Variants in DDX52 observed in about 807,000 individuals in gnomAD.
DDX52 encodes the protein DExD-box helicase 52, also known as probable ATP-dependent RNA helicase DDX52.
In DDX52, 59 loss-of-function variants were observed where a neutral mutation model predicts 76.1. The ratio of observed to expected loss-of-function variants is 0.78; its 90% confidence interval spans 0.63 to 0.96. The LOEUF is 0.96. DDX52 is among the 40% of genes least tolerant of loss of function. The pLI is 0.00. For missense variants in DDX52, 707 were observed against 703.9 expected, an observed-to-expected ratio of 1.00 and a Z score of -0.05; for synonymous variants, 231 against 244.1, an observed-to-expected ratio of 0.95 and a Z score of 0.50.
chr17:37,626,952 G>A (rs1431564564), intron 6 of DDX52, 92 bp from the exon 7 acceptor site: 8 of 968,858 alleles, frequency 8.3e-6, no homozygotes, highest in South Asian at 7.3e-5. Flanking sequence ...TTAATAACCT[G>A]AAGTGGGAAG....
In DDX52 at chr17:37,613,764, G is replaced by C. The variant is rs2064393795; in HGVS notation, c.*532C>G. On this transcript the variant is annotated 3_prime_UTR_variant, in exon 15 of 15. Coordinates refer to ENST00000617633, the MANE Select transcript of DDX52 (RefSeq NM_007010.5). ...AGTGGAAGGGGTATTTAATGTCAAG[G>C]CTTTATTTTGAATTTCTGTTCCAGA... is the stretch of plus-strand genomic sequence containing the variant. 1 of 152,570 alleles carries C rather than the reference G, an allele frequency of 6.6e-6. No homozygotes were observed. The highest frequency in any genetic ancestry group is 1.5e-5 in the Non-Finnish European group (1 of 68,058). The allele number at this position is 152,570 out of a possible 1,614,324, so 9.5% of individuals were successfully genotyped here.
chr17:37,631,465 G>A (rs1212084506), intron 4 of DDX52: 1 of 152,472 alleles, frequency 6.6e-6, no homozygotes, highest in African/African-American at 2.4e-5. Flanking sequence ...CTCTGAGCAG[G>A]GGCAGGGTGA....
chr17:37,623,866 T>C (rs1404196338), intron 9 of DDX52, among the ~76,000 whole-genome samples: 1 of 152,208 alleles, frequency 6.6e-6, no homozygotes, highest in Non-Finnish European at 1.5e-5. Flanking sequence ...TCTTGTATTG[T>C]CCAGTGCTGA....
At chr17:37,635,083 G>A (rs1293469693) in intron 2 of DDX52, among the ~76,000 whole-genome samples, 1 of 152,076 alleles carries the variant, frequency 6.6e-6, no homozygotes, top group East Asian at 1.9e-4. Context: ...ACAGGTGTGA[G>A]CCACCGCGCC....
In DDX52 at chr17:37,615,253, G is replaced by A. The variant is rs148629484; in HGVS notation, c.1743-900C>T. Among the ~76,000 whole-genome samples the A allele has an allele frequency of 6.3e-3, 958 of 152,324 alleles. 9 individuals carry two copies. The highest frequency in any genetic ancestry group is 0.037 in the Middle Eastern group (11 of 294). ...GGATCATGATGGGTCTTGCTTGTAT[G>A]CTATGTTAAGTAGTATGGCCTTTAC... is the stretch of plus-strand genomic sequence containing the variant. On this transcript the variant is annotated intron_variant, in intron 14 of 14. Transcript: ENST00000617633.
chr17:37,610,708 T>C lies in DDX52; in HGVS notation c.*3588A>G, dbSNP rs1313458855. On this transcript the variant is annotated 3_prime_UTR_variant, in exon 15 of 15. Transcript: ENST00000617633. ...GAAAATCAAGGTTAGAAACAGTTAC[T>C]GTCATTTGTCCAGATCATACAGCTA... 1.3e-5 allele frequency: 2 copies of C among 152,226 alleles called. No homozygotes were observed. The highest frequency in any genetic ancestry group is 2.9e-5 in the Non-Finnish European group (2 of 68,040). 9.4% of individuals were successfully genotyped at this position (152,226 alleles called of 1,614,324 possible).
intron 9 of DDX52, among the ~76,000 whole-genome samples, chr17:37,623,173 GT>G (rs1161379957): frequency 6.6e-6 from 1 of 152,144 alleles, no homozygotes; most frequent in Non-Finnish European, 1.5e-5. Context: ...GCCTACCCCA[GT>G]TTAAAAGCCT....
At chr17:37,621,340 G>A (rs954312009) in intron 10 of DDX52, 58 bp downstream of exon 10, 3 of 1,594,914 alleles carry the variant, frequency 1.9e-6, no homozygotes, top group Admixed American at 3.6e-5. Context: ...TAAATTTAAT[G>A]TCAATAGTTT....
chr17:37,628,683 AAAG>A lies in DDX52; in HGVS notation c.748-14_748-12del. On this transcript the variant is annotated splice_polypyrimidine_tract_variant and intron_variant, in intron 5 of 14. Coordinates refer to ENST00000617633, the MANE Select transcript of DDX52 (RefSeq NM_007010.5). ...TAACTCTCTGTGAATCTAAAAAAAA[AAAG>A]ATTAAAAACATTAGCTGCTAACATA... 5 of 1,564,282 alleles carry A rather than the reference AAAG, an allele frequency of 3.2e-6. No homozygotes were observed. The highest frequency in any genetic ancestry group is 4.3e-6 in the Non-Finnish European group (5 of 1,154,688).
intron 2 of DDX52, among the ~76,000 whole-genome samples, chr17:37,641,901 G>C (rs1013268223): frequency 6.6e-6 from 1 of 152,056 alleles, no homozygotes; most frequent in Non-Finnish European, 1.5e-5. Flanking sequence ...AGAAATAACA[G>C]TACCTGTACA....
chr17:37,619,960 T>G, intron 12 of DDX52, 121 bp from the exon 13 acceptor site: 1 of 910,502 alleles, frequency 1.1e-6, no homozygotes, highest in South Asian at 1.7e-5. Context: ...CAAAGTGTTC[T>G]GATATATTAT....
chr17:37,626,886 T>C (rs1209772625), intron 6 of DDX52, 26 bp from the exon 7 acceptor site: 2 of 1,588,972 alleles, frequency 1.3e-6, no homozygotes, highest in East Asian at 2.2e-5. Context: ...ATGGTAGAAA[T>C]TGCAAAAACA....
chr17:37,640,611 C>T lies in DDX52; in HGVS notation c.286+1499G>A, dbSNP rs17138577. Among the ~76,000 whole-genome samples the T allele has an allele frequency of 9.6e-3, 1,376 of 142,960 alleles. 22 individuals carry two copies. Among genetic ancestry groups the T allele is most frequent in the African/African-American group, 0.034 (1,302 of 38,312 alleles). The allele number at this position is 142,960 out of a possible 152,430, so 93.8% of individuals were successfully genotyped here. A position where few individuals can be genotyped will look rare whatever the true frequency, so the allele number is the denominator to read the frequency against. Reference sequence around the variant, plus strand: ...CATCATTGTATAACTCAAGTGTTTACCAAAAAAAGGTAAATGACTAGGAAA... The same window carrying T: ...CATCATTGTATAACTCAAGTGTTTATCAAAAAAAGGTAAATGACTAGGAAA... On this transcript the variant is annotated intron_variant, in intron 2 of 14. Coordinates refer to ENST00000617633, the MANE Select transcript of DDX52 (RefSeq NM_007010.5).
At chr17:37,637,644 G>A (rs4332783) in intron 2 of DDX52, among the ~76,000 whole-genome samples, 46,883 of 151,558 alleles carry the variant, frequency 0.31, 8,307 homozygotes, top group African/African-American at 0.47. Context: ...GCGTGATCTC[G>A]GCTCACTGCA....
At chr17:37,629,539 G>A (rs747813696) in intron 5 of DDX52, among the ~76,000 whole-genome samples, 1 of 151,928 alleles carries the variant, frequency 6.6e-6, no homozygotes, top group Non-Finnish European at 1.5e-5. Context: ...AGGCGCAGTG[G>A]CATGTGCCTG....
chr17:37,643,308 G>T, intron 1 of DDX52, 26 bp downstream of exon 1: 1 of 1,597,076 alleles, frequency 6.3e-7, no homozygotes, highest in Non-Finnish European at 8.6e-7. Context: ...TCAGTTACTC[G>T]GCCCTCGGTC....
At chr17:37,625,495 T>G (rs957142420) in intron 8 of DDX52, among the ~76,000 whole-genome samples, 1 of 152,172 alleles carries the variant, frequency 6.6e-6, no homozygotes, top group African/African-American at 2.4e-5. Flanking sequence ...CACTGAGCAT[T>G]TATTTAGCAT....
intron 2 of DDX52, chr17:37,635,706 C>A (rs771743903): frequency 4.5e-6 from 2 of 445,238 alleles, no homozygotes; most frequent in African/African-American, 4.0e-5. Flanking sequence ...TTTCCTGTCT[C>A]TTAGGTAAAT....
chr17:37,640,083 C>G (rs904159974), intron 2 of DDX52, among the ~76,000 whole-genome samples: 1 of 152,208 alleles, frequency 6.6e-6, no homozygotes, highest in Non-Finnish European at 1.5e-5. Context: ...CAAAGTACTT[C>G]CTACTGATGC....
Sources: allele counts gnomAD v4.1 joint callset (sites outside exome capture counted in the v4.1 genomes callset), GRCh38; gene constraint gnomAD v4.1.1; transcripts MANE v1.5; gene names NCBI Gene and HGNC (gene_info 2026-07-23, HGNC 2026-07-21).